ST8SIA1: variants seen among roughly 807,000 people sequenced by gnomAD.
ST8SIA1 encodes the protein alpha-N-acetylneuraminide alpha-2,8-sialyltransferase.
ST8SIA1 carries 16 observed loss-of-function variants against 35.9 expected under a neutral mutation model. The ratio of observed to expected loss-of-function variants is 0.45; its 90% confidence interval spans 0.30 to 0.68. ST8SIA1 has a LOEUF of 0.68. Among genes scored for constraint, ST8SIA1 ranks in the 30% least tolerant of loss-of-function variants. The probability of loss-of-function intolerance (pLI) is 0.09; values close to 1 mark genes in which losing one functional copy is unlikely to be tolerated. For missense variants in ST8SIA1, 383 were observed against 453.6 expected (o/e 0.84, Z 1.41); for synonymous variants, 170 against 169.6 (o/e 1.00, Z -0.02).
intron 1 of ST8SIA1, among the ~76,000 whole-genome samples, chr12:22,318,594 T>A (rs1419266001): frequency 6.6e-6 from 1 of 152,140 alleles, no homozygotes; most frequent in Non-Finnish European, 1.5e-5. Context: ...GCTAAGCCAC[T>A]GGGATGAATC....
At chr12:22,310,916 C>G (rs1476051505) in intron 1 of ST8SIA1, among the ~76,000 whole-genome samples, 1 of 152,106 alleles carries the variant, frequency 6.6e-6, no homozygotes, top group Non-Finnish European at 1.5e-5. Context: ...GCAGACTGTT[C>G]CCAGACACTC....
chr12:22,228,189 A>G (rs966489276), intron 4 of ST8SIA1, among the ~76,000 whole-genome samples: 4 of 152,224 alleles, frequency 2.6e-5, no homozygotes, highest in Admixed American at 2.0e-4. Context: ...GCCAGCTAAG[A>G]AAAGAATTCA....
In ST8SIA1 at chr12:22,328,218, A is replaced by G. The variant is rs145125467; in HGVS notation, c.236+5779T>C. On this transcript the variant is annotated intron_variant, in intron 1 of 4. Transcript: ENST00000396037. Reference sequence around the variant, plus strand: ...GATGCTTACTCCTCTGATCTGCTACACTGCCAGAGTGCTGGACACACAGTA... The same window carrying G: ...GATGCTTACTCCTCTGATCTGCTACGCTGCCAGAGTGCTGGACACACAGTA... Among the ~76,000 whole-genome samples the G allele has an allele frequency of 1.8e-4, 27 of 152,352 alleles. 1 individual carries two copies. The East Asian group carries it at 5.2e-3, about 29-fold the overall frequency.
chr12:22,208,587 C>T (rs962564421), intron 4 of ST8SIA1, among the ~76,000 whole-genome samples: 1 of 152,162 alleles, frequency 6.6e-6, no homozygotes, highest in African/African-American at 2.4e-5. Context: ...GCAATCTCAA[C>T]AAAAATCCCA....
intron 2 of ST8SIA1, among the ~76,000 whole-genome samples, chr12:22,285,144 C>T (rs139097543): frequency 8.7e-4 from 132 of 152,352 alleles, no homozygotes; most frequent in African/African-American, 2.6e-3. Context: ...TCCTGGACTT[C>T]TTCGCAACTA....
chr12:22,202,707 T>C lies in ST8SIA1; in HGVS notation c.585-669A>G, dbSNP rs537614606. 7.9e-5 allele frequency among the ~76,000 whole-genome samples: 12 copies of C among 152,286 alleles called. No homozygotes were observed. In the South Asian group the frequency reaches 2.5e-3, roughly 32 times the overall value. On this transcript the variant is annotated intron_variant, in intron 4 of 4. Coordinates refer to ENST00000396037, the MANE Select transcript of ST8SIA1 (RefSeq NM_003034.4). ...GTACAATAGAATGTTCTAAATACAA[T>C]GTTGATACTTGTATAAAGTACTATG...
rs1004461444 is a variant in ST8SIA1, at chr12:22,194,517, C to T, written c.*7035G>A. Reference sequence around the variant, plus strand: ...GTGACAGAGGTATATGAAGGAAACACATAAGGAAGTAGGGGTCAAGCCAGA... The same window carrying T: ...GTGACAGAGGTATATGAAGGAAACATATAAGGAAGTAGGGGTCAAGCCAGA... On this transcript the variant is annotated 3_prime_UTR_variant, in exon 5 of 5. Transcript: ENST00000396037. The T allele has an allele frequency of 1.3e-5, 2 of 152,176 alleles. No individual in the cohort carries two copies. The highest frequency in any genetic ancestry group is 2.9e-5 in the Non-Finnish European group (2 of 68,052). 9.4% of individuals were successfully genotyped at this position (152,176 alleles called of 1,614,324 possible).
chr12:22,301,892 G>A (rs971461201), intron 1 of ST8SIA1, among the ~76,000 whole-genome samples: 1 of 152,074 alleles, frequency 6.6e-6, no homozygotes, highest in South Asian at 2.1e-4. Flanking sequence ...CAAATCCATG[G>A]CTGGGCTCAG....
intron 2 of ST8SIA1, among the ~76,000 whole-genome samples, chr12:22,265,455 G>A (rs750171639): frequency 2.6e-5 from 4 of 152,100 alleles, no homozygotes; most frequent in Admixed American, 1.3e-4. Context: ...CTTGTAGCCC[G>A]CCTGCCTGCA....
At chr12:22,333,346 C>A (rs1258479672) in intron 1 of ST8SIA1, among the ~76,000 whole-genome samples, 1 of 152,144 alleles carries the variant, frequency 6.6e-6, no homozygotes, top group Non-Finnish European at 1.5e-5. Flanking sequence ...AAGTAATGAC[C>A]TTGGGGAAGT....
At chr12:22,330,357 A>T (rs1866746271) in intron 1 of ST8SIA1, among the ~76,000 whole-genome samples, 1 of 152,206 alleles carries the variant, frequency 6.6e-6, no homozygotes, top group South Asian at 2.1e-4. Context: ...ATATGCTATC[A>T]TGTAATTTTC....
chr12:22,320,957 G>GAGAAAGAAAGAA lies in ST8SIA1; in HGVS notation c.236+13028_236+13039dup, dbSNP rs1220446331. Among the ~76,000 whole-genome samples, 95 of 83,268 alleles carry GAGAAAGAAAGAA rather than the reference G, an allele frequency of 1.1e-3. 1 individual carries two copies. The highest frequency in any genetic ancestry group is 8.2e-4 in the Non-Finnish European group (34 of 41,572). The allele number at this position is 83,268 out of a possible 152,430, so 54.6% of individuals were successfully genotyped here. On this transcript the variant is annotated intron_variant, in intron 1 of 4. Coordinates refer to ENST00000396037, the MANE Select transcript of ST8SIA1 (RefSeq NM_003034.4). ...AGAAAGAAAGAAAGAAAGAAAGAAAGAGAAAGAAAGAAAGAAAGAAAGAAA... is the reference window on the plus strand; with the variant it reads ...AGAAAGAAAGAAAGAAAGAAAGAAAGAGAAAGAAAGAAAGAAAGAAAGAAAGAAAGAAAGAAA...
intron 1 of ST8SIA1, among the ~76,000 whole-genome samples, 195 bp from the exon 2 acceptor site, chr12:22,287,488 CAAAA>C (rs60549878): frequency 0.13 from 15,823 of 126,332 alleles, 1,031 homozygotes; most frequent in Middle Eastern, 0.25. Context: ...TATTTCACAG[CAAAA>C]AAAAAAAAAA....
At chr12:22,213,944 T>C (rs1220918946) in intron 4 of ST8SIA1, among the ~76,000 whole-genome samples, 1 of 152,188 alleles carries the variant, frequency 6.6e-6, no homozygotes, top group Non-Finnish European at 1.5e-5. Flanking sequence ...TTATTATTTC[T>C]AGATGTGAAA....
chr12:22,256,847 C>T (rs1357592462), intron 2 of ST8SIA1, among the ~76,000 whole-genome samples: 4 of 152,160 alleles, frequency 2.6e-5, no homozygotes, highest in Non-Finnish European at 2.9e-5. Flanking sequence ...CAACAAACAT[C>T]AGAACAGATC....
chr12:22,220,786 T>C (rs1865289429), intron 4 of ST8SIA1, among the ~76,000 whole-genome samples: 1 of 152,116 alleles, frequency 6.6e-6, no homozygotes, highest in South Asian at 2.1e-4. Context: ...TGTGGTGAAG[T>C]TGATCTGAGC....
intron 1 of ST8SIA1, among the ~76,000 whole-genome samples, chr12:22,305,682 A>G (rs1286216025): frequency 6.6e-6 from 1 of 152,138 alleles, no homozygotes; most frequent in African/African-American, 2.4e-5. Context: ...TGCCCAGCCT[A>G]GCATACATTT....
intron 1 of ST8SIA1, among the ~76,000 whole-genome samples, chr12:22,294,167 C>T (rs1463908044): frequency 6.6e-6 from 1 of 151,958 alleles, no homozygotes; most frequent in African/African-American, 2.4e-5. Context: ...CTGTTTATAC[C>T]TACTAGTCTA....
At chr12:22,307,442 C>G (rs116524806) in intron 1 of ST8SIA1, among the ~76,000 whole-genome samples, 1 of 152,140 alleles carries the variant, frequency 6.6e-6, no homozygotes, top group Non-Finnish European at 1.5e-5. Context: ...CTTCAGGATA[C>G]GACCTTTCCT....
Sources: gnomAD v4.1 joint callset for allele counts (sites outside exome capture counted in the v4.1 genomes callset) on GRCh38, gnomAD v4.1.1 for gene constraint, MANE v1.5 for transcripts, NCBI Gene and HGNC (gene_info 2026-07-23, HGNC 2026-07-21) for gene names.